Variants in BCAR1 observed in about 807,000 individuals in gnomAD.
BCAR1 encodes breast cancer anti-estrogen resistance protein 1.
Under a neutral mutation model 67.6 loss-of-function variants are expected in BCAR1, and 30 were observed. The observed-to-expected ratio is 0.44, with a 90% confidence interval of 0.33 to 0.60. The LOEUF is 0.60. BCAR1 is among the 20% of genes least tolerant of loss of function. BCAR1 has a pLI of 0.02. For missense variants in BCAR1, 1,313 were observed against 1,222.3 expected, an observed-to-expected ratio of 1.07 and a Z score of -1.11; for synonymous variants, 626 against 556.7, an observed-to-expected ratio of 1.12 and a Z score of -1.75.
At chr16:75,250,718 T>C (rs2077653845) in intron 1 of BCAR1, 1 of 985,460 alleles carries the variant, frequency 1.0e-6, no homozygotes, top group Non-Finnish European at 1.2e-6. Context: ...GCTCCGACCC[T>C]GCTCTAGCTC....
upstream of BCAR1, chr16:75,252,454 C>G: frequency 6.3e-6 from 9 of 1,421,594 alleles, no homozygotes; most frequent in Non-Finnish European, 8.3e-6. Flanking sequence ...CGAGTGGAGA[C>G]AACCTTGGCT....
chr16:75,264,294 G>T (rs1055500132), intron 1 of BCAR1: 1 of 1,409,934 alleles, frequency 7.1e-7, no homozygotes, highest in South Asian at 1.6e-5. Context: ...ATAGAGGCCC[G>T]CCCAGGCTGG....
At chr16:75,239,447 G>C (rs144933945) in intron 2 of BCAR1, among the ~76,000 whole-genome samples, 3,609 of 151,378 alleles carry the variant, frequency 0.024, 88 homozygotes, top group Middle Eastern at 0.11. Context: ...GGCATCAAGC[G>C]GGGGGACAAG....
Position 75,235,166 on chromosome 16 carries a change from C to A in BCAR1, c.1733G>T (p.Arg578Leu). ...GSGATLEDLD[R>L]LVACSRAVPE... ...CACAGCCCGCGAGCAGGCCACCAGC[C>A]GGTCCAGGTCCTCAAGGGTGGCTCC... Residue 578 changes from arginine (R) to leucine (L), a missense_variant, in exon 5 of 7, where the codon CGG (arginine) becomes CTG (leucine). Arg to Leu is a moderately radical substitution (Grantham distance 102, BLOSUM62 -2). Transcript: ENST00000162330. 6.2e-7 allele frequency: 1 copy of A among 1,608,746 alleles called. No homozygotes were observed. Among genetic ancestry groups the A allele is most frequent in the South Asian group, 1.1e-5 (1 of 91,060 alleles).
In BCAR1 at chr16:75,242,490, C is replaced by A; in HGVS notation, c.613G>T (p.Gly205Cys). ...CTTACCTTTGCCGGGGGCTTCGTGC[C>A]CTCCCAGCTGCGTGTGTCCATGGAC... ...PPSMDTRSWE[G>C]TKPPAKVVVP... Residue 205 changes from glycine to cysteine, a missense_variant, in exon 2 of 7, where the codon GGC becomes TGC. Transcript: ENST00000162330. 1 of 1,459,242 alleles carries A rather than the reference C, an allele frequency of 6.9e-7. No homozygotes were observed. 90.4% of individuals were successfully genotyped at this position (1,459,242 alleles called of 1,614,324 possible). A position where few individuals can be genotyped will look rare whatever the true frequency, so the allele number is the denominator to read the frequency against.
chr16:75,265,699 A>T, intron 1 of BCAR1: 2 of 1,014,582 alleles, frequency 2.0e-6, no homozygotes, highest in Non-Finnish European at 2.5e-6. Flanking sequence ...CCCGGGGCCG[A>T]GGAGGCCCCA....
chr16:75,262,862 C>T (rs765039586), intron 1 of BCAR1, among the ~76,000 whole-genome samples: 1 of 152,140 alleles, frequency 6.6e-6, no homozygotes, highest in African/African-American at 2.4e-5. Context: ...CTCCCAGGGA[C>T]GCAGAAGAGG....
At chr16:75,263,924 T>A in intron 1 of BCAR1, 1 of 1,083,108 alleles carries the variant, frequency 9.2e-7, no homozygotes. Context: ...CCTCACACAC[T>A]GCCCAAGGTC....
intron 2 of BCAR1, chr16:75,238,347 A>T: frequency 9.0e-7 from 1 of 1,114,426 alleles, no homozygotes; most frequent in Non-Finnish European, 1.1e-6. Context: ...CTCTCCACTG[A>T]AAGACCTTTT....
intron 1 of BCAR1, among the ~76,000 whole-genome samples, chr16:75,245,604 G>A (rs998210516): frequency 2.6e-4 from 39 of 152,250 alleles, no homozygotes; most frequent in African/African-American, 8.2e-4. Context: ...TGAGCTCACT[G>A]ATCGGCCACA....
At position 75,266,119 on chromosome 16, in the gene BCAR1, C is replaced by T. The variant is rs969927830; in HGVS notation, c.66+1796G>A. The T allele has an allele frequency of 1.6e-4, 130 of 813,236 alleles. 2 individuals carry two copies. In the Middle Eastern group the frequency reaches 1.8e-3, roughly 11 times the overall value. 50.4% of individuals were successfully genotyped at this position (813,236 alleles called of 1,614,324 possible). ...GCCCAACGCGGCGGGGAGGCGCGGT[C>T]TCCTCCGCTCCTCGCCGATCCCTCG... On this transcript the variant is annotated intron_variant, in intron 1 of 6. Transcript: ENST00000393422.
At chr16:75,262,070 A>G (rs2077916935) in intron 1 of BCAR1, among the ~76,000 whole-genome samples, 2 of 152,170 alleles carry the variant, frequency 1.3e-5, no homozygotes, top group African/African-American at 4.8e-5. Flanking sequence ...CACTCAAGGC[A>G]CAGAGCCAAC....
In BCAR1 at chr16:75,230,139, T is replaced by C. The variant is rs138292989; in HGVS notation, c.2101-116A>G. 2,067 of 1,308,796 alleles carry C rather than the reference T, an allele frequency of 1.6e-3. 27 individuals are homozygous for C. The African/African-American group carries it at 0.025, about 16-fold the overall frequency. 81.1% of individuals were successfully genotyped at this position (1,308,796 alleles called of 1,614,324 possible). On this transcript the variant is annotated intron_variant, in intron 6 of 6. Transcript: ENST00000162330. ...TAAAAGGGCCGCTACTCAGAGTGCA[T>C]GGGACTGCAGGGAAACGGGCAGTCT...
chr16:75,232,620 CAG>C (rs2076940053), intron 6 of BCAR1, among the ~76,000 whole-genome samples: 1 of 152,190 alleles, frequency 6.6e-6, no homozygotes, highest in Admixed American at 6.5e-5. Flanking sequence ...GTAGATTTAA[CAG>C]GGGTGCAGGT....
chr16:75,251,372 G>T, intron 1 of BCAR1, 99 bp downstream of exon 1: 2 of 1,429,356 alleles, frequency 1.4e-6, no homozygotes, highest in Non-Finnish European at 9.2e-7. Flanking sequence ...CGGTTCCCAG[G>T]CCCCGCAGGT....
chr16:75,229,432 C>T lies in BCAR1; in HGVS notation c.*79G>A, dbSNP rs2076814210. ...TGGGGTCCTGTCCCTAAGCCTGTGG[C>T]ACAGCGACTCTTGACATGGGAGCCA... is the stretch of plus-strand genomic sequence containing the variant. On this transcript the variant is annotated 3_prime_UTR_variant, in exon 7 of 7. Coordinates refer to ENST00000162330, the MANE Select transcript of BCAR1 (RefSeq NM_014567.5). The T allele has an allele frequency of 1.4e-6, 2 of 1,445,728 alleles. No homozygotes were observed. Among genetic ancestry groups the T allele is most frequent in the Admixed American group, 2.5e-5 (1 of 39,458 alleles). The allele number at this position is 1,445,728 out of a possible 1,614,324, so 89.6% of individuals were successfully genotyped here.
upstream of BCAR1, chr16:75,252,442 A>C: frequency 7.0e-7 from 1 of 1,430,392 alleles, no homozygotes; most frequent in East Asian, 2.5e-5. Context: ...CTCGGGGGAA[A>C]CCGAGTGGAG....
chr16:75,253,997 C>T (rs531468673), upstream of BCAR1, among the ~76,000 whole-genome samples: 64 of 147,784 alleles, frequency 4.3e-4, no homozygotes, highest in African/African-American at 1.5e-3. Context: ...GATGGGGTTT[C>T]ACCATATTGG....
At position 75,238,199 on chromosome 16, in the gene BCAR1, G is replaced by A. The variant is rs141799641; in HGVS notation, c.634-855C>T. The A allele has an allele frequency of 1.6e-3, 1,920 of 1,214,500 alleles. 2 individuals carry two copies. Among genetic ancestry groups the A allele is most frequent in the Non-Finnish European group, 1.9e-3 (1,833 of 951,390 alleles). 75.2% of individuals were successfully genotyped at this position (1,214,500 alleles called of 1,614,324 possible). ...CCCCTCACCAGCACCAGCCTGAAGC[G>A]GGTAGGGGCCATGCCAGGCAGCCTC... is the stretch of plus-strand genomic sequence containing the variant. On this transcript the variant is annotated intron_variant, in intron 2 of 6. Coordinates refer to ENST00000162330, the MANE Select transcript of BCAR1 (RefSeq NM_014567.5).
Sources: allele counts gnomAD v4.1 joint callset (sites outside exome capture counted in the v4.1 genomes callset), GRCh38; gene constraint gnomAD v4.1.1; transcripts MANE v1.5; gene names NCBI Gene and HGNC (gene_info 2026-07-23, HGNC 2026-07-21).